The following PBX3 variants were observed in gnomAD, a reference collection of about 807,000 sequenced individuals.
The protein encoded by PBX3 is PBX homeobox 3, also known as pre-B-cell leukemia transcription factor 3.
A neutral mutation model predicts 48.5 loss-of-function variants in PBX3; 14 were observed. The observed-to-expected ratio is 0.29, with a 90% CI of 0.19 to 0.45. The LOEUF is 0.45. Among genes scored for constraint, PBX3 ranks in the 20% least tolerant of loss-of-function variants. The pLI is 1.00. For synonymous variants in PBX3, 210 were observed against 200.3 expected, an observed-to-expected ratio of 1.05 and a Z score of -0.41; for missense variants, 386 against 546.7, an observed-to-expected ratio of 0.71 and a Z score of 2.93.
rs1184419044 is a variant in PBX3 at position 125,963,010 on chromosome 9, A to G, written c.1123-2A>G. On this transcript the variant is annotated splice_acceptor_variant, in intron 7 of 8. Transcript: ENST00000373489. LOFTEE classifies it high-confidence loss of function. ...ATGAATTTTGTTTTGTCTCACTTCT[A>G]GGTGGATACCCTCCGTCATGTTATC... The G allele has an allele frequency of 2.5e-6, 4 of 1,586,614 alleles. No individual in the cohort carries two copies. Among genetic ancestry groups the G allele is most frequent in the Admixed American group, 1.7e-5 (1 of 59,440 alleles).
At chr9:125,780,947 C>A in intron 2 of PBX3, among the ~76,000 whole-genome samples, 1 of 132,184 alleles carries the variant, frequency 7.6e-6, no homozygotes, top group African/African-American at 3.0e-5. Flanking sequence ...ACGCTCCTCA[C>A]CTCCCAGACG....
intron 2 of PBX3, among the ~76,000 whole-genome samples, chr9:125,869,307 A>G (rs537624841): frequency 2.0e-5 from 3 of 152,316 alleles, no homozygotes; most frequent in South Asian, 2.1e-4. Flanking sequence ...CATTTAATTT[A>G]TGGTTCCAGA....
rs565180501 is a variant in PBX3, at chr9:125,747,799, G to A, written c.200+146G>A. On this transcript the variant is annotated intron_variant, in intron 1 of 8. Coordinates refer to ENST00000373489, the MANE Select transcript of PBX3 (RefSeq NM_006195.6). The stretch of plus-strand genomic sequence containing the variant: ...AAAGCCGGCCGCCCGCCCCGGCCTC[G>A]GGGGGACTTGCCCGCGCCCCCCGAA... 662 of 568,374 alleles carry A rather than the reference G, an allele frequency of 1.2e-3. 4 individuals are homozygous for A. The African/African-American group carries it at 0.012, about 11-fold the overall frequency. 35.2% of individuals were successfully genotyped at this position (568,374 alleles called of 1,614,324 possible).
At chr9:125,806,993 A>T (rs1443954657) in intron 2 of PBX3, among the ~76,000 whole-genome samples, 1 of 152,224 alleles carries the variant, frequency 6.6e-6, no homozygotes, top group African/African-American at 2.4e-5. Flanking sequence ...TTAGAAATGG[A>T]TTGCTAGTTT....
chr9:125,781,382 T>C (rs1027226813), intron 2 of PBX3, among the ~76,000 whole-genome samples: 3 of 151,134 alleles, frequency 2.0e-5, no homozygotes, highest in African/African-American at 7.3e-5. Flanking sequence ...CAGTCAGGCG[T>C]GGTGGCGCGC....
At chr9:125,830,165 C>A (rs111236660) in intron 2 of PBX3, among the ~76,000 whole-genome samples, 3,868 of 152,140 alleles carry the variant, frequency 0.025, 64 homozygotes, top group Middle Eastern at 0.051. Flanking sequence ...CTAAAGCATA[C>A]GTAATATGAG....
chr9:125,803,019 C>T (rs1339612495), intron 2 of PBX3, among the ~76,000 whole-genome samples: 1 of 151,140 alleles, frequency 6.6e-6, no homozygotes, highest in East Asian at 2.0e-4. Context: ...TGTTTTATAA[C>T]CATAACACAA....
intron 2 of PBX3, among the ~76,000 whole-genome samples, chr9:125,783,770 G>A (rs1283407947): frequency 6.6e-5 from 10 of 151,910 alleles, no homozygotes; most frequent in Admixed American, 2.6e-4. Flanking sequence ...AGGCTGAGGC[G>A]GGCAGATCAC....
chr9:125,780,379 C>A (rs1837229947), intron 2 of PBX3, among the ~76,000 whole-genome samples: 1 of 131,686 alleles, frequency 7.6e-6, no homozygotes. Flanking sequence ...GACCCCACCT[C>A]CCTCCCAGAC....
chr9:125,784,394 G>T (rs896195418), intron 2 of PBX3, among the ~76,000 whole-genome samples: 3 of 152,162 alleles, frequency 2.0e-5, no homozygotes, highest in Admixed American at 6.5e-5. Context: ...CTCTTAAAGT[G>T]CTGGGATTAG....
intron 2 of PBX3, among the ~76,000 whole-genome samples, chr9:125,770,206 G>T (rs1286195489): frequency 6.6e-6 from 1 of 152,008 alleles, no homozygotes; most frequent in African/African-American, 2.4e-5. Flanking sequence ...GAAAATTTGA[G>T]TTCAGAAATA....
At chr9:125,856,246 C>T (rs1839716687) in intron 2 of PBX3, among the ~76,000 whole-genome samples, 1 of 152,002 alleles carries the variant, frequency 6.6e-6, no homozygotes, top group Non-Finnish European at 1.5e-5. Flanking sequence ...CCAAGTGGGG[C>T]CTCTTTTTGA....
At chr9:125,786,463 T>C (rs1837459757) in intron 2 of PBX3, among the ~76,000 whole-genome samples, 3 of 152,120 alleles carry the variant, frequency 2.0e-5, no homozygotes, top group Admixed American at 6.6e-5. Context: ...AAAAAGGGAA[T>C]TAGATAGCGA....
At chr9:125,963,593 T>G (rs959914786) in intron 8 of PBX3, among the ~76,000 whole-genome samples, 1 of 152,140 alleles carries the variant, frequency 6.6e-6, no homozygotes, top group Non-Finnish European at 1.5e-5. Flanking sequence ...AGGAAATAAT[T>G]TTAACTTTTG....
intron 3 of PBX3, among the ~76,000 whole-genome samples, chr9:125,928,971 A>G (rs1005107125): frequency 3.9e-5 from 6 of 152,142 alleles, no homozygotes; most frequent in Admixed American, 2.6e-4. Context: ...GCTTCTTTAC[A>G]TATTATCTGT....
At chr9:125,905,895 G>T (rs1841059769) in intron 2 of PBX3, among the ~76,000 whole-genome samples, 1 of 151,900 alleles carries the variant, frequency 6.6e-6, no homozygotes, top group Non-Finnish European at 1.5e-5. Context: ...ATTGTCCTTT[G>T]CATGTCATGT....
chr9:125,898,920 A>G lies in PBX3; in HGVS notation c.275-16766A>G, dbSNP rs1041540676. 2.6e-5 allele frequency among the ~76,000 whole-genome samples: 4 copies of G among 151,682 alleles called. No individual in the cohort carries two copies. In the East Asian group the frequency reaches 7.7e-4, roughly 29 times the overall value. ...AAAACATTAAATCTTTTGGAAGAAC[A>G]CACAAGTAATGAAATAGAAATGGTT... is the stretch of plus-strand genomic sequence containing the variant. On this transcript the variant is annotated intron_variant, in intron 2 of 8. Coordinates refer to ENST00000373489, the MANE Select transcript of PBX3 (RefSeq NM_006195.6).
At chr9:125,867,722 T>G (rs1193853666) in intron 2 of PBX3, among the ~76,000 whole-genome samples, 1 of 148,360 alleles carries the variant, frequency 6.7e-6, no homozygotes, top group East Asian at 2.0e-4. Context: ...ATTATGACAA[T>G]GATGATTGTC....
chr9:125,832,186 T>A (rs763660301), intron 2 of PBX3, among the ~76,000 whole-genome samples: 12 of 145,084 alleles, frequency 8.3e-5, no homozygotes, highest in Non-Finnish European at 1.7e-4. Context: ...AAATATATAC[T>A]GGTTTTCTTT....
Sources: allele counts gnomAD v4.1 joint callset (sites outside exome capture counted in the v4.1 genomes callset), GRCh38; gene constraint gnomAD v4.1.1; transcripts MANE v1.5; gene names NCBI Gene and HGNC (gene_info 2026-07-23, HGNC 2026-07-21).